HIVEP2: variants seen among roughly 807,000 people sequenced by gnomAD.
HIVEP2 encodes the protein transcription factor HIVEP2.
A neutral mutation model predicts 180.7 loss-of-function variants in HIVEP2; 14 were observed. That is an observed-to-expected ratio of 0.08 (90% confidence interval 0.05 to 0.12). The LOEUF is 0.12. HIVEP2 is among the 10% of genes least tolerant of loss of function. HIVEP2 has a pLI of 1.00. For missense variants in HIVEP2, 2,579 were observed against 3,008.5 expected (o/e 0.86, Z 3.34); for synonymous variants, 1,184 against 1,136.4 (o/e 1.04, Z -0.84).
chr6:142,768,452 C>T lies in HIVEP2; in HGVS notation c.5272G>A (p.Asp1758Asn), dbSNP rs748356493. Residue 1758 changes from aspartate to asparagine, a missense_variant, in exon 6 of 10, where the codon GAT becomes AAT. Asp to Asn is a conservative substitution (Grantham distance 23). Around this residue, in one of 11 missense-constraint regions of HIVEP2, gnomAD observed 349 missense variants for 367.2 expected, o/e 0.95. Coordinates refer to ENST00000367603, the MANE Select transcript of HIVEP2 (RefSeq NM_006734.4). ...GNILKERGKG[D>N]IHGDKDIGSK... ...CCAATATCTTTATCTCCATGAATAT[C>T]TCCTTTCCCTCTTTCCTTTAAGATA... 44 of 1,613,004 alleles carry T rather than the reference C, an allele frequency of 2.7e-5. No homozygotes were observed. Among genetic ancestry groups the T allele is most frequent in the Non-Finnish European group, 3.6e-5 (42 of 1,179,400 alleles).
At position 142,755,835 on chromosome 6, in the gene HIVEP2, G is replaced by A. The variant is rs544438375; in HGVS notation, c.6517-1904C>T. Among the ~76,000 whole-genome samples, 9 of 152,190 alleles carry A rather than the reference G, an allele frequency of 5.9e-5. No individual in the cohort carries two copies. In the East Asian group the frequency reaches 1.7e-3, roughly 29 times the overall value. ...GTACAAGTAGAATTTCTACCATGTG[G>A]CCACTTCCACTGCTCCAAGCCCCAC... On this transcript the variant is annotated intron_variant, in intron 9 of 9. Coordinates refer to ENST00000367603, the MANE Select transcript of HIVEP2 (RefSeq NM_006734.4).
rs372188482 is a variant in HIVEP2, at chr6:142,760,429, T to C, written c.5859A>G (p.Val1953=). 1.2e-6 allele frequency: 2 copies of C among 1,614,140 alleles called. No individual in the cohort carries two copies. Among genetic ancestry groups the C allele is most frequent in the Non-Finnish European group, 1.7e-6 (2 of 1,180,022 alleles). The change falls in exon 9 of 10, where the codon GTA becomes GTG. Residue 1953 remains valine, a synonymous_variant. Coordinates refer to ENST00000367603, the MANE Select transcript of HIVEP2 (RefSeq NM_006734.4). ...FSSLPVNVGA[V]PHGVPSDSSL... is the part of the protein sequence containing the mutation. The stretch of plus-strand genomic sequence containing the variant: ...AACTATCTGAAGGAACCCCGTGGGG[T>C]ACGGCGCCAACATTCACAGGCAAGG...
chr6:142,872,299 T>G (rs954156438), intron 1 of HIVEP2, among the ~76,000 whole-genome samples: 1 of 152,142 alleles, frequency 6.6e-6, no homozygotes, highest in African/African-American at 2.4e-5. Context: ...CTGAATAACA[T>G]AAGGATGTCC....
chr6:142,847,683 A>C (rs1432276931), intron 1 of HIVEP2, among the ~76,000 whole-genome samples: 1 of 152,252 alleles, frequency 6.6e-6, no homozygotes. Context: ...AACTTCAGCT[A>C]TTTCTGTAAT....
chr6:142,818,736 A>G (rs868630738), intron 2 of HIVEP2, among the ~76,000 whole-genome samples: 2 of 85,934 alleles, frequency 2.3e-5, no homozygotes, highest in African/African-American at 4.2e-5. Flanking sequence ...AAGAAAGAAA[A>G]GAAAGAAAGA....
At chr6:142,879,168 T>C (rs1452913723) in intron 1 of HIVEP2, among the ~76,000 whole-genome samples, 4 of 152,156 alleles carry the variant, frequency 2.6e-5, no homozygotes, top group African/African-American at 7.2e-5. Context: ...CTGTAGGCAA[T>C]GGGTACTCAG....
intron 1 of HIVEP2, among the ~76,000 whole-genome samples, chr6:142,875,366 G>A (rs1776407900): frequency 6.6e-6 from 1 of 152,142 alleles, no homozygotes; most frequent in Non-Finnish European, 1.5e-5. Flanking sequence ...GCCCAGAGAA[G>A]CAGAGCCCTA....
chr6:142,873,220 C>T (rs966160660), intron 1 of HIVEP2, among the ~76,000 whole-genome samples: 2 of 152,190 alleles, frequency 1.3e-5, no homozygotes, highest in Non-Finnish European at 2.9e-5. Flanking sequence ...GAAGCCACAG[C>T]CACCTTTTGG....
chr6:142,768,575 T>C (rs1255027536), intron 5 of HIVEP2, 39 bp from the exon 6 acceptor site: 1 of 1,603,158 alleles, frequency 6.2e-7, no homozygotes, highest in Non-Finnish European at 8.5e-7. Flanking sequence ...ACATGCTTTC[T>C]CCAAGACACA....
intron 2 of HIVEP2, among the ~76,000 whole-genome samples, chr6:142,816,393 A>G (rs576517474): frequency 6.6e-6 from 1 of 152,100 alleles, no homozygotes. Context: ...TCCTTAATTC[A>G]TCTCTTTGTC....
chr6:142,760,350 C>T lies in HIVEP2; in HGVS notation c.5938G>A (p.Val1980Ile), dbSNP rs775610150. The T allele has an allele frequency of 3.1e-6, 5 of 1,614,050 alleles. No individual in the cohort carries two copies. The South Asian group carries it at 4.4e-5, about 14-fold the overall frequency. ...TCACTGGGTGTCATAAGCTGAGTAA[C>T]TCGAATACTTGGCAAAGTAACCAAA... is the stretch of plus-strand genomic sequence containing the variant. The part of the protein sequence containing the change: ...SYLVTLPSIR[V>I]TQLMTPSDSC... The change falls in exon 9 of 10, where the codon GTT becomes ATT. Residue 1980 changes from valine to isoleucine, a missense_variant. Val to Ile is a conservative substitution (Grantham distance 29, BLOSUM62 3). Around this residue, in one of 11 missense-constraint regions of HIVEP2, gnomAD observed 660 missense variants for 731.7 expected, o/e 0.90. Transcript: ENST00000367603.
At chr6:142,802,464 T>C (rs1776437149) in intron 2 of HIVEP2, among the ~76,000 whole-genome samples, 1 of 151,958 alleles carries the variant, frequency 6.6e-6, no homozygotes, top group African/African-American at 2.4e-5. Flanking sequence ...ATTTAAAGGA[T>C]GCTTTCTAAT....
chr6:142,818,850 C>T (rs1016348635), intron 2 of HIVEP2, among the ~76,000 whole-genome samples: 7 of 150,110 alleles, frequency 4.7e-5, no homozygotes, highest in Non-Finnish European at 7.4e-5. Context: ...TTAAAAAATG[C>T]CCAGGAACCA....
rs199846091 is a variant in HIVEP2 at position 142,769,884 on chromosome 6, C to T, written c.4855G>A (p.Val1619Met). 1.0e-4 allele frequency: 167 copies of T among 1,614,106 alleles called. 1 individual carries two copies. In the East Asian group the frequency reaches 2.3e-3, roughly 22 times the overall value. Reference sequence around the variant, plus strand: ...GTGAGAAGAAGAGTTGAGTCTGCCACGTTCCCGCTGGGGGCAGAGGCCATG... The same window carrying T: ...GTGAGAAGAAGAGTTGAGTCTGCCATGTTCCCGCTGGGGGCAGAGGCCATG... ...VRMASAPSGNVADSTLLLTDM... is the reference protein window; with the variant it reads ...VRMASAPSGNMADSTLLLTDM... Residue 1619 changes from valine (V) to methionine (M), a missense_variant, in exon 5 of 10, where the codon GTG becomes ATG. Transcript: ENST00000367603.
chr6:142,862,477 AAT>A, intron 1 of HIVEP2, among the ~76,000 whole-genome samples: 2 of 137,766 alleles, frequency 1.5e-5, no homozygotes, highest in Non-Finnish European at 3.2e-5. Flanking sequence ...TATATTTTAT[AAT>A]ACATATAATC....
Position 142,797,819 on chromosome 6 carries a change from T to C in HIVEP2, c.-527-14204A>G, listed in dbSNP as rs192065950. On this transcript the variant is annotated intron_variant, in intron 2 of 9. Transcript: ENST00000367603. Reference sequence around the variant, plus strand: ...AGGTATGTATGCACAGAAGAAATCATAGTATACATAGGATTCAGTACCCTC... The same window carrying C: ...AGGTATGTATGCACAGAAGAAATCACAGTATACATAGGATTCAGTACCCTC... 8.2e-4 allele frequency among the ~76,000 whole-genome samples: 125 copies of C among 152,228 alleles called. 2 individuals are homozygous for C. Among genetic ancestry groups the C allele is most frequent in the Non-Finnish European group, 1.3e-3 (91 of 67,982 alleles).
intron 2 of HIVEP2, among the ~76,000 whole-genome samples, chr6:142,785,929 A>C (rs1277908042): frequency 3.3e-5 from 5 of 152,202 alleles, no homozygotes; most frequent in Admixed American, 3.3e-4. Context: ...TTTTAAAGCA[A>C]AGATGCAAAT....
chr6:142,831,321 C>T, intron 2 of HIVEP2, among the ~76,000 whole-genome samples: 1 of 152,162 alleles, frequency 6.6e-6, no homozygotes, highest in Non-Finnish European at 1.5e-5. Context: ...GGAGGACATA[C>T]AGGGCACAAC....
intron 1 of HIVEP2, among the ~76,000 whole-genome samples, chr6:142,927,654 TCTTATA>T (rs1435178595): frequency 1.3e-5 from 2 of 152,222 alleles, no homozygotes; most frequent in Non-Finnish European, 2.9e-5. Context: ...AATCTTTCAA[TCTTATA>T]CTTATCCACT....
Sources: gnomAD v4.1 joint callset for allele counts (sites outside exome capture counted in the v4.1 genomes callset) on GRCh38, gnomAD v4.1.1 for gene constraint, gnomAD v4.1.1 regional missense constraint, MANE v1.5 for transcripts, NCBI Gene and HGNC (gene_info 2026-07-23, HGNC 2026-07-21) for gene names.